CALN1: variants seen among roughly 807,000 people sequenced by gnomAD.
The protein encoded by CALN1 is calcium-binding protein 8.
Under a neutral mutation model 30.6 loss-of-function variants are expected in CALN1, and 17 were observed. The observed-to-expected ratio is 0.56, with a 90% CI of 0.38 to 0.83. The LOEUF (loss-of-function observed/expected upper bound fraction) is 0.83, where lower values mean the gene tolerates loss of function less well. Ranked by LOEUF, CALN1 falls within the 40% of genes least tolerant of loss-of-function variation. The pLI is 0.00. For missense variants in CALN1, 291 were observed against 354.9 expected (o/e 0.82, Z 1.45); for synonymous variants, 156 against 131.4 (o/e 1.19, Z -1.28).
At chr7:72,319,070 G>A (rs1375087267) in intron 2 of CALN1, among the ~76,000 whole-genome samples, 1 of 152,092 alleles carries the variant, frequency 6.6e-6, no homozygotes, top group Non-Finnish European at 1.5e-5. Context: ...TTATCAAAAA[G>A]AGATCTGCAC....
chr7:72,164,546 C>G, intron 3 of CALN1, among the ~76,000 whole-genome samples: 1 of 152,184 alleles, frequency 6.6e-6, no homozygotes, highest in East Asian at 1.9e-4. Context: ...CACAGCCCAG[C>G]TGACACCTTC....
chr7:72,165,670 G>A (rs747743221), intron 3 of CALN1, among the ~76,000 whole-genome samples: 9 of 151,996 alleles, frequency 5.9e-5, no homozygotes, highest in Non-Finnish European at 1.3e-4. Context: ...TTTAAAAATG[G>A]AGCCTAAATA....
chr7:71,972,020 G>GAAAGA (rs1562946955), intron 5 of CALN1, among the ~76,000 whole-genome samples: 51 of 114,140 alleles, frequency 4.5e-4, no homozygotes, highest in African/African-American at 1.7e-3. Flanking sequence ...AGAAAGAAAA[G>GAAAGA]AAAGAAAGAA....
At chr7:72,151,000 C>T (rs1159614838) in intron 3 of CALN1, among the ~76,000 whole-genome samples, 1 of 152,012 alleles carries the variant, frequency 6.6e-6, no homozygotes, top group East Asian at 1.9e-4. Flanking sequence ...ATATTATCAC[C>T]CTTGGCCCTC....
chr7:72,125,251 G>A (rs1169426612), intron 3 of CALN1, among the ~76,000 whole-genome samples: 1 of 152,152 alleles, frequency 6.6e-6, no homozygotes, highest in Non-Finnish European at 1.5e-5. Context: ...CTGGCCTCAA[G>A]TGATCCGCCT....
At chr7:72,098,568 T>A (rs1378942125) in intron 4 of CALN1, among the ~76,000 whole-genome samples, 1 of 151,716 alleles carries the variant, frequency 6.6e-6, no homozygotes, top group African/African-American at 2.4e-5. Context: ...CTTAGCTGGG[T>A]GGGGTTGCAC....
At chr7:71,851,243 ACACACACAC>A (rs1299951390) in intron 5 of CALN1, among the ~76,000 whole-genome samples, 2 of 150,354 alleles carry the variant, frequency 1.3e-5, no homozygotes, top group Middle Eastern at 3.4e-3. Context: ...ACACACACAC[ACACACACAC>A]ATCACACATA....
At chr7:72,477,971 A>G in the CALN1 span, among the ~76,000 whole-genome samples, 1 of 152,012 alleles carries the variant, frequency 6.6e-6, no homozygotes, top group Non-Finnish European at 1.5e-5. Context: ...TCCCTTACCC[A>G]TTATTGACTA....
chr7:72,158,281 C>T (rs904094085), intron 3 of CALN1, among the ~76,000 whole-genome samples: 2 of 152,090 alleles, frequency 1.3e-5, no homozygotes, highest in Non-Finnish European at 2.9e-5. Flanking sequence ...TGGAAACATC[C>T]CCCTGGCAGC....
At chr7:72,137,418 T>G (rs1388344486) in intron 3 of CALN1, among the ~76,000 whole-genome samples, 1 of 152,164 alleles carries the variant, frequency 6.6e-6, no homozygotes, top group Non-Finnish European at 1.5e-5. Flanking sequence ...TGAAAAAGAT[T>G]GAAATATTTG....
intron 2 of CALN1, among the ~76,000 whole-genome samples, chr7:72,397,088 T>G (rs1380772111): frequency 6.6e-6 from 1 of 151,904 alleles, no homozygotes; most frequent in African/African-American, 2.4e-5. Flanking sequence ...TTTTTTTTAG[T>G]TTTGCAGAGA....
intron 4 of CALN1, among the ~76,000 whole-genome samples, chr7:72,044,812 G>T (rs1802366430): frequency 6.6e-6 from 1 of 151,606 alleles, no homozygotes. Context: ...AAGAGATGGG[G>T]TCTCACTATG....
At chr7:71,905,656 T>C (rs959528081) in intron 5 of CALN1, among the ~76,000 whole-genome samples, 1 of 151,968 alleles carries the variant, frequency 6.6e-6, no homozygotes, top group Non-Finnish European at 1.5e-5. Flanking sequence ...ATAAACTCTA[T>C]AAAGATTCTA....
chr7:72,069,527 C>T (rs1166554288), intron 4 of CALN1, among the ~76,000 whole-genome samples: 1 of 152,110 alleles, frequency 6.6e-6, no homozygotes, highest in African/African-American at 2.4e-5. Context: ...CCTTTGGTTT[C>T]TGGCTACACC....
chr7:72,057,657 T>C (rs1430814202), intron 4 of CALN1, among the ~76,000 whole-genome samples: 1 of 152,136 alleles, frequency 6.6e-6, no homozygotes, highest in Non-Finnish European at 1.5e-5. Flanking sequence ...TTACTTGATA[T>C]TGTATTGTGA....
intron 5 of CALN1, among the ~76,000 whole-genome samples, chr7:71,944,935 G>A (rs968218677): frequency 6.6e-6 from 1 of 151,018 alleles, no homozygotes. Flanking sequence ...CTAGCTAAGT[G>A]ATATAGTTTG....
At chr7:72,160,412 G>A (rs1284154526) in intron 3 of CALN1, among the ~76,000 whole-genome samples, 1 of 151,944 alleles carries the variant, frequency 6.6e-6, no homozygotes, top group Non-Finnish European at 1.5e-5. Flanking sequence ...CCGAGTAGCT[G>A]GGATTACAGG....
the CALN1 span, among the ~76,000 whole-genome samples, chr7:72,482,650 A>C: frequency 6.6e-6 from 1 of 152,098 alleles, no homozygotes; most frequent in Non-Finnish European, 1.5e-5. Flanking sequence ...CTAATCTTTG[A>C]CTATTGTTGT....
At chr7:72,285,899 A>G (rs992628590) in intron 2 of CALN1, among the ~76,000 whole-genome samples, 1 of 152,182 alleles carries the variant, frequency 6.6e-6, no homozygotes, top group African/African-American at 2.4e-5. Flanking sequence ...CCAGACATAC[A>G]AGGGGCAATA....
Sources: gnomAD v4.1 joint callset for allele counts (sites outside exome capture counted in the v4.1 genomes callset) on GRCh38, gnomAD v4.1.1 for gene constraint, MANE v1.5 for transcripts, NCBI Gene and HGNC (gene_info 2026-07-23, HGNC 2026-07-21) for gene names.